CSGALNACT1: variants seen among roughly 807,000 people sequenced by gnomAD.
The protein encoded by CSGALNACT1 is chondroitin sulfate N-acetylgalactosaminyltransferase 1.
In CSGALNACT1, 52 loss-of-function variants were observed where a neutral mutation model predicts 51.0. The ratio of observed to expected loss-of-function variants is 1.02; its 90% CI spans 0.82 to 1.29. The LOEUF (loss-of-function observed/expected upper bound fraction) is 1.29, where lower values mean the gene tolerates loss of function less well. Ranked by LOEUF, CSGALNACT1 falls within the 50% of genes most tolerant of loss-of-function variation. The pLI, the probability that CSGALNACT1 is intolerant of heterozygous loss-of-function variation, is 0.00. For synonymous variants in CSGALNACT1, 341 were observed against 254.4 expected, an observed-to-expected ratio of 1.34 and a Z score of -3.24; for missense variants, 935 against 679.2, an observed-to-expected ratio of 1.38 and a Z score of -4.19.
intron 1 of CSGALNACT1, among the ~76,000 whole-genome samples, chr8:19,667,941 C>T (rs554290026): frequency 2.6e-5 from 4 of 152,042 alleles, no homozygotes; most frequent in South Asian, 2.1e-4. Flanking sequence ...AGAATTAAAG[C>T]GCAGATCACA....
chr8:19,523,298 T>G (rs1322050034), intron 3 of CSGALNACT1, among the ~76,000 whole-genome samples: 3 of 152,228 alleles, frequency 2.0e-5, no homozygotes, highest in African/African-American at 7.2e-5. Flanking sequence ...AGGTTCTCAC[T>G]CTGTCACCTA....
chr8:19,652,544 G>A (rs1054921258), intron 1 of CSGALNACT1, among the ~76,000 whole-genome samples: 1 of 151,854 alleles, frequency 6.6e-6, no homozygotes, highest in South Asian at 2.1e-4. Flanking sequence ...ATCCTCTCTG[G>A]TATTGTCAGC....
At chr8:19,445,733 C>G (rs955683606) in intron 5 of CSGALNACT1, among the ~76,000 whole-genome samples, 3 of 152,146 alleles carry the variant, frequency 2.0e-5, no homozygotes, top group Non-Finnish European at 2.9e-5. Flanking sequence ...AGTCTCATAC[C>G]ATGAAAAACC....
chr8:19,601,941 A>T (rs903476852), intron 1 of CSGALNACT1, 76 bp from the exon 2 acceptor site: 12 of 448,058 alleles, frequency 2.7e-5, no homozygotes, highest in African/African-American at 1.0e-4. Flanking sequence ...ACAAAATGGG[A>T]ACATTTTAAA....
chr8:19,559,835 T>G (rs1194115180), intron 3 of CSGALNACT1, among the ~76,000 whole-genome samples: 2 of 152,116 alleles, frequency 1.3e-5, no homozygotes, highest in Non-Finnish European at 2.9e-5. Context: ...ACTTATAGAA[T>G]CAATACAATG....
At chr8:19,437,502 G>C (rs2060569703) in intron 6 of CSGALNACT1, among the ~76,000 whole-genome samples, 3 of 152,082 alleles carry the variant, frequency 2.0e-5, no homozygotes, top group Admixed American at 2.0e-4. Context: ...CCTAGGAGAG[G>C]TGGCCTGACC....
intron 5 of CSGALNACT1, among the ~76,000 whole-genome samples, chr8:19,458,195 C>A (rs1173188843): frequency 1.3e-5 from 2 of 152,288 alleles, no homozygotes; most frequent in African/African-American, 4.8e-5. Flanking sequence ...GGTGAAAACC[C>A]AGTCCTTCCT....
chr8:19,675,503 C>G (rs2060110000), intron 1 of CSGALNACT1, among the ~76,000 whole-genome samples: 1 of 151,856 alleles, frequency 6.6e-6, no homozygotes, highest in Non-Finnish European at 1.5e-5. Context: ...TCCCATCCCT[C>G]CCCCCAGACA....
At chr8:19,612,807 C>G (rs1266576611) in intron 1 of CSGALNACT1, among the ~76,000 whole-genome samples, 2 of 151,864 alleles carry the variant, frequency 1.3e-5, no homozygotes, top group Non-Finnish European at 2.9e-5. Flanking sequence ...ACACCATTTT[C>G]TCTTTTTAAA....
intron 3 of CSGALNACT1, among the ~76,000 whole-genome samples, chr8:19,557,031 A>G (rs972930357): frequency 6.6e-5 from 10 of 152,062 alleles, no homozygotes; most frequent in African/African-American, 2.4e-4. Context: ...CCTTCAGAGA[A>G]GAAAAGCAAA....
intron 4 of CSGALNACT1, among the ~76,000 whole-genome samples, chr8:19,466,787 G>T (rs1299748400): frequency 6.6e-6 from 1 of 152,154 alleles, no homozygotes; most frequent in Non-Finnish European, 1.5e-5. Context: ...CACATGTGGG[G>T]CCACAGAAAT....
chr8:19,715,196 AC>A (rs2062736003), intron 1 of CSGALNACT1, among the ~76,000 whole-genome samples: 1 of 152,200 alleles, frequency 6.6e-6, no homozygotes, highest in Admixed American at 6.5e-5. Flanking sequence ...AGACTTATTC[AC>A]TACCACGAGA....
intron 5 of CSGALNACT1, among the ~76,000 whole-genome samples, chr8:19,452,017 C>T (rs1351183276): frequency 2.0e-5 from 3 of 152,206 alleles, no homozygotes; most frequent in Non-Finnish European, 2.9e-5. Flanking sequence ...AAATAGCAAT[C>T]ATTGCAAACT....
chr8:19,464,877 T>C (rs1016198530), intron 4 of CSGALNACT1, among the ~76,000 whole-genome samples: 3 of 152,194 alleles, frequency 2.0e-5, no homozygotes, highest in Admixed American at 2.0e-4. Flanking sequence ...ACTGGAATCC[T>C]GTGCACTACC....
chr8:19,707,807 C>G (rs759564382), intron 1 of CSGALNACT1, among the ~76,000 whole-genome samples: 1 of 152,086 alleles, frequency 6.6e-6, no homozygotes, highest in African/African-American at 2.4e-5. Flanking sequence ...TCGAGATCAG[C>G]CTGGCCAAGA....
chr8:19,489,581 G>C (rs1001519241), intron 4 of CSGALNACT1, among the ~76,000 whole-genome samples: 24 of 152,076 alleles, frequency 1.6e-4, no homozygotes, highest in African/African-American at 5.8e-4. Flanking sequence ...TTAATATTAG[G>C]GCTACAAAGT....
chr8:19,727,538 AT>A (rs2063470403), intron 1 of CSGALNACT1, among the ~76,000 whole-genome samples: 2 of 152,038 alleles, frequency 1.3e-5, no homozygotes, highest in East Asian at 3.9e-4. Flanking sequence ...TTGTGTAGAG[AT>A]GGGGTTTCAA....
intron 1 of CSGALNACT1, among the ~76,000 whole-genome samples, chr8:19,623,323 T>TA (rs1417027706): frequency 6.6e-6 from 1 of 152,192 alleles, no homozygotes; most frequent in Non-Finnish European, 1.5e-5. Flanking sequence ...TATTTTAATA[T>TA]ACCTTTCTCT....
At position 19,665,636 on chromosome 8, in the gene CSGALNACT1, C is replaced by T. The variant is rs535807431; in HGVS notation, c.-544+16837G>A. Among the ~76,000 whole-genome samples, 12 of 152,264 alleles carry T rather than the reference C, an allele frequency of 7.9e-5. No homozygotes were observed. The South Asian group carries it at 2.5e-3, about 32-fold the overall frequency. On this transcript the variant is annotated intron_variant, in intron 1 of 9. Coordinates refer to the CSGALNACT1 transcript ENST00000332246. ...ACTGACTTGCAAGCCTGGGGCAAAA[C>T]CACAGTCCACCCAGCACAGAACTTG...
Sources: gnomAD v4.1 joint callset for allele counts (sites outside exome capture counted in the v4.1 genomes callset) on GRCh38, gnomAD v4.1.1 for gene constraint, MANE v1.5 for transcripts, NCBI Gene and HGNC (gene_info 2026-07-23, HGNC 2026-07-21) for gene names.